AFF3: variants seen among roughly 807,000 people sequenced by gnomAD.
AFF3 encodes the protein ALF transcription elongation factor 3.
AFF3 carries 32 observed loss-of-function variants against 129.7 expected under a neutral mutation model. That is an observed-to-expected ratio of 0.25 (90% confidence interval 0.19 to 0.33). AFF3 has a LOEUF of 0.33. Ranked by LOEUF, AFF3 falls within the 10% of genes least tolerant of loss-of-function variation. The pLI is 1.00. For synonymous variants in AFF3, 644 were observed against 635.4 expected, an observed-to-expected ratio of 1.01 and a Z score of -0.20; for missense variants, 1,373 against 1,592.0, an observed-to-expected ratio of 0.86 and a Z score of 2.34.
At chr2:99,756,478 C>T (rs967876995) in intron 8 of AFF3, among the ~76,000 whole-genome samples, 38 of 152,338 alleles carry the variant, frequency 2.5e-4, no homozygotes, top group African/African-American at 8.7e-4. Flanking sequence ...TGCCTGACCC[C>T]GTTGCCTTCC....
At chr2:99,912,383 T>A (rs955647141) in intron 7 of AFF3, among the ~76,000 whole-genome samples, 5 of 152,198 alleles carry the variant, frequency 3.3e-5, no homozygotes, top group Admixed American at 1.3e-4. Flanking sequence ...AAGTCACACT[T>A]AGGGCATATG....
Position 100,056,063 on chromosome 2 carries a change from T to TCACACACA in AFF3, c.54-47139_54-47132dup, listed in dbSNP as rs369771394. Among the ~76,000 whole-genome samples the TCACACACA allele has an allele frequency of 9.1e-4, 110 of 120,514 alleles. 1 individual carries two copies. Among genetic ancestry groups the TCACACACA allele is most frequent in the African/African-American group, 2.8e-3 (85 of 30,546 alleles). 79.1% of individuals were successfully genotyped at this position (120,514 alleles called of 152,430 possible). A position where few individuals can be genotyped will look rare whatever the true frequency, so the allele number is the denominator to read the frequency against. ...AAAAAAAAAAATCGCTGTCTCTCTCTCACACACACACACACACACACACAC... is the reference window on the plus strand; with the variant it reads ...AAAAAAAAAAATCGCTGTCTCTCTCTCACACACACACACACACACACACACACACACAC... On this transcript the variant is annotated intron_variant, in intron 4 of 24. Coordinates refer to ENST00000672756, the MANE Select transcript of AFF3 (RefSeq NM_001386135.1).
At chr2:99,571,188 G>A (rs552005697) in intron 18 of AFF3, among the ~76,000 whole-genome samples, 33 of 152,148 alleles carry the variant, frequency 2.2e-4, no homozygotes, top group Non-Finnish European at 4.3e-4. Context: ...GGTGCCTTCC[G>A]ATGGGGTGCA....
chr2:99,553,764 A>T (rs1274236588), intron 24 of AFF3, among the ~76,000 whole-genome samples: 1 of 151,934 alleles, frequency 6.6e-6, no homozygotes, highest in African/African-American at 2.4e-5. Context: ...ATACAAAAAA[A>T]TTAGCTGGGA....
chr2:99,886,049 G>C (rs1693087900), intron 7 of AFF3, among the ~76,000 whole-genome samples: 1 of 152,222 alleles, frequency 6.6e-6, no homozygotes, highest in African/African-American at 2.4e-5. Context: ...TTGATTGGTA[G>C]AAAGAGAAAC....
intron 13 of AFF3, among the ~76,000 whole-genome samples, chr2:99,643,558 T>G (rs2105524946): frequency 6.6e-6 from 1 of 152,310 alleles, no homozygotes; most frequent in Non-Finnish European, 1.5e-5. Flanking sequence ...GTGGCAACTG[T>G]GCCTGTCCTC....
intron 2 of AFF3, among the ~76,000 whole-genome samples, chr2:100,128,639 C>G (rs1692298779): frequency 6.6e-6 from 1 of 152,158 alleles, no homozygotes; most frequent in African/African-American, 2.4e-5. Context: ...CTAGGTCAAC[C>G]CCATAGCCTT....
intron 8 of AFF3, among the ~76,000 whole-genome samples, chr2:99,802,459 G>C (rs1259808476): frequency 6.6e-6 from 1 of 152,146 alleles, no homozygotes; most frequent in South Asian, 2.1e-4. Flanking sequence ...CCAGGAGTTT[G>C]AGACCTGCCT....
At chr2:99,609,218 GTTTT>G in intron 13 of AFF3, among the ~76,000 whole-genome samples, 1 of 151,766 alleles carries the variant, frequency 6.6e-6, no homozygotes, top group Non-Finnish European at 1.5e-5. Context: ...CTTAGGATTT[GTTTT>G]TTTAATTTTT....
intron 2 of AFF3, chr2:100,110,337 T>G (rs1691471530): frequency 6.6e-6 from 1 of 152,168 alleles, no homozygotes; most frequent in Non-Finnish European, 1.5e-5. Context: ...GTGCTATCTG[T>G]GAAGTATTAG....
chr2:99,933,832 CAA>C (rs1674273859), intron 7 of AFF3, among the ~76,000 whole-genome samples: 1 of 152,080 alleles, frequency 6.6e-6, no homozygotes. Context: ...AAGGCTCTTT[CAA>C]ATACGAGACT....
At chr2:100,027,223 C>T (rs1236307398) in intron 4 of AFF3, among the ~76,000 whole-genome samples, 2 of 152,046 alleles carry the variant, frequency 1.3e-5, no homozygotes, top group African/African-American at 2.4e-5. Context: ...CTCAGGCAGG[C>T]GAAAAACAAA....
intron 4 of AFF3, among the ~76,000 whole-genome samples, chr2:100,026,619 T>A (rs555235123): frequency 6.6e-6 from 1 of 151,586 alleles, no homozygotes; most frequent in Admixed American, 6.6e-5. Flanking sequence ...AGCAGCACAA[T>A]TCACAACTGC....
At position 99,582,783 on chromosome 2, in the gene AFF3, A is replaced by C; in HGVS notation, c.2793+15T>G. On this transcript the variant is annotated intron_variant, in intron 17 of 24. Coordinates refer to ENST00000672756, the MANE Select transcript of AFF3 (RefSeq NM_001386135.1). ...CATTTTGGTTTTAATTGGGAAAGGA[A>C]GAGCATCAACAAACCGTGAGGTCTC... The C allele has an allele frequency of 6.2e-7, 1 of 1,613,536 alleles. No individual in the cohort carries two copies. The highest frequency in any genetic ancestry group is 2.2e-5 in the East Asian group (1 of 44,864).
chr2:99,932,549 A>G (rs960485436), intron 7 of AFF3, among the ~76,000 whole-genome samples: 1 of 152,178 alleles, frequency 6.6e-6, no homozygotes, highest in African/African-American at 2.4e-5. Flanking sequence ...CCCCACAGCA[A>G]GCTTGGCCAG....
At chr2:99,747,374 G>A (rs1436194545) in intron 9 of AFF3, among the ~76,000 whole-genome samples, 1 of 152,124 alleles carries the variant, frequency 6.6e-6, no homozygotes, top group Non-Finnish European at 1.5e-5. Context: ...CTGTTACCCA[G>A]TCTGGAGTGC....
chr2:99,888,626 T>C (rs1693300949), intron 7 of AFF3, among the ~76,000 whole-genome samples: 1 of 152,248 alleles, frequency 6.6e-6, no homozygotes, highest in Admixed American at 6.5e-5. Flanking sequence ...GATGGACATT[T>C]AACTCGATGT....
At chr2:99,801,048 T>G (rs1000798713) in intron 8 of AFF3, among the ~76,000 whole-genome samples, 27 of 152,348 alleles carry the variant, frequency 1.8e-4, no homozygotes, top group African/African-American at 6.0e-4. Flanking sequence ...ATGAGTTACT[T>G]ACATATAATT....
chr2:99,883,033 G>A (rs1303976241), intron 7 of AFF3, among the ~76,000 whole-genome samples: 1 of 152,196 alleles, frequency 6.6e-6, no homozygotes, highest in Non-Finnish European at 1.5e-5. Flanking sequence ...AATGATAGAT[G>A]TATTTTAAAG....
Sources: gnomAD v4.1 joint callset for allele counts (sites outside exome capture counted in the v4.1 genomes callset) on GRCh38, gnomAD v4.1.1 for gene constraint, MANE v1.5 for transcripts, NCBI Gene and HGNC (gene_info 2026-07-23, HGNC 2026-07-21) for gene names.